CPED1: variants seen among roughly 807,000 people sequenced by gnomAD.
CPED1 encodes the protein cadherin like and PC-esterase domain containing 1, also known as cadherin-like and PC-esterase domain-containing protein 1.
A neutral mutation model predicts 128.2 loss-of-function variants in CPED1; 114 were observed. That is an observed-to-expected ratio of 0.89 (90% confidence interval 0.76 to 1.04). CPED1 has a LOEUF of 1.04. Among genes scored for constraint, CPED1 ranks in the 50% least tolerant of loss-of-function variants. The probability of loss-of-function intolerance (pLI) is 0.00; values close to 1 mark genes in which losing one functional copy is unlikely to be tolerated. For missense variants in CPED1, 1,211 were observed against 1,207.1 expected, an observed-to-expected ratio of 1.00 and a Z score of -0.05; for synonymous variants, 462 against 426.7, an observed-to-expected ratio of 1.08 and a Z score of -1.02.
At chr7:120,994,657 G>GTGTGTGTGTGTGT (rs148572524) in intron 2 of CPED1, among the ~76,000 whole-genome samples, 13 of 149,298 alleles carry the variant, frequency 8.7e-5, no homozygotes, top group East Asian at 3.9e-4. Flanking sequence ...GTGTGTGTGT[G>GTGTGTGTGTGTGT]TGTTGTTGTT....
chr7:121,165,784 C>T (rs928293188), intron 16 of CPED1, among the ~76,000 whole-genome samples: 1 of 152,064 alleles, frequency 6.6e-6, no homozygotes, highest in Non-Finnish European at 1.5e-5. Context: ...CAGAGAAAGA[C>T]AATATATTTT....
intron 16 of CPED1, among the ~76,000 whole-genome samples, chr7:121,210,108 G>T (rs1231341198): frequency 6.6e-6 from 1 of 151,962 alleles, no homozygotes; most frequent in African/African-American, 2.4e-5. Context: ...GCTACAATGA[G>T]CTATCATCTC....
At position 121,297,010 on chromosome 7, in the gene CPED1, A is replaced by G. The variant is rs1158978828; in HGVS notation, c.*1358A>G. 6.6e-6 allele frequency: 1 copy of G among 151,982 alleles called. No homozygotes were observed. Among genetic ancestry groups the G allele is most frequent in the African/African-American group, 2.4e-5 (1 of 41,426 alleles). The allele number at this position is 151,982 out of a possible 1,614,324, so 9.4% of individuals were successfully genotyped here. A position where few individuals can be genotyped will look rare whatever the true frequency, so the allele number is the denominator to read the frequency against. ...CTTTAAATACTCTATTTTTATATATATTTTTATATGAAGATAAACATGAAT... is the reference window on the plus strand; with the variant it reads ...CTTTAAATACTCTATTTTTATATATGTTTTTATATGAAGATAAACATGAAT... On this transcript the variant is annotated 3_prime_UTR_variant, in exon 23 of 23. Coordinates refer to ENST00000310396, the MANE Select transcript of CPED1 (RefSeq NM_024913.5).
At chr7:121,240,478 G>A (rs1798364443) in intron 17 of CPED1, among the ~76,000 whole-genome samples, 1 of 152,092 alleles carries the variant, frequency 6.6e-6, no homozygotes, top group African/African-American at 2.4e-5. Flanking sequence ...AACAATCTTT[G>A]CTTAAACATA....
chr7:121,032,116 C>T (rs1411437188), intron 3 of CPED1, among the ~76,000 whole-genome samples: 3 of 152,058 alleles, frequency 2.0e-5, no homozygotes, highest in Admixed American at 6.5e-5. Context: ...TACTTTTAAG[C>T]CAACAATCTT....
At chr7:121,289,524 G>T (rs1198188684) in intron 22 of CPED1, among the ~76,000 whole-genome samples, 1 of 152,048 alleles carries the variant, frequency 6.6e-6, no homozygotes, top group African/African-American at 2.4e-5. Context: ...CATTTGCAAT[G>T]TAACTAAAAC....
intron 18 of CPED1, among the ~76,000 whole-genome samples, chr7:121,255,196 A>G (rs1396729219): frequency 6.6e-6 from 1 of 152,122 alleles, no homozygotes; most frequent in Non-Finnish European, 1.5e-5. Context: ...CAACACATCA[A>G]AAGATTAATA....
Position 121,073,777 on chromosome 7 carries a change from T to G in CPED1, c.616+9464T>G, listed in dbSNP as rs73723411. On this transcript the variant is annotated intron_variant, in intron 5 of 22. Transcript: ENST00000310396. ...TATTTGCTCTTGAATTTCTCCAAGATCCATATCTTGAAACCCTTCACCTCT... is the reference window on the plus strand; with the variant it reads ...TATTTGCTCTTGAATTTCTCCAAGAGCCATATCTTGAAACCCTTCACCTCT... Among the ~76,000 whole-genome samples the G allele has an allele frequency of 3.5e-3, 526 of 151,074 alleles. 1 individual carries two copies. The highest frequency in any genetic ancestry group is 0.012 in the African/African-American group (495 of 41,246).
In CPED1 at chr7:121,177,370, C is replaced by T. The variant is rs117367040; in HGVS notation, c.2055+35229C>T. On this transcript the variant is annotated intron_variant, in intron 16 of 22. Transcript: ENST00000310396. ...GATATTAGTTCTGTCTCCTTGCCTA[C>T]TCACCATGTTTCTCTATCCGACTTT... 2.1e-4 allele frequency among the ~76,000 whole-genome samples: 32 copies of T among 152,086 alleles called. No individual in the cohort carries two copies. In the East Asian group the frequency reaches 6.2e-3, roughly 29 times the overall value.
chr7:121,269,182 C>T (rs1055940150), intron 21 of CPED1, among the ~76,000 whole-genome samples: 2 of 152,020 alleles, frequency 1.3e-5, no homozygotes, highest in Non-Finnish European at 2.9e-5. Context: ...TTCTTGTAGA[C>T]CCCAGTGTCC....
At chr7:121,108,202 T>C (rs750808358) in intron 7 of CPED1, among the ~76,000 whole-genome samples, 72 of 152,104 alleles carry the variant, frequency 4.7e-4, no homozygotes, top group Admixed American at 1.7e-3. Context: ...TGGAGCATTT[T>C]TCCCCCATTG....
chr7:121,287,631 A>G (rs966560964), intron 22 of CPED1, among the ~76,000 whole-genome samples: 1 of 152,090 alleles, frequency 6.6e-6, no homozygotes, highest in Non-Finnish European at 1.5e-5. Flanking sequence ...TTCCTTTCAA[A>G]TGGTCTTAAC....
At chr7:121,002,062 A>G (rs1233323225) in intron 2 of CPED1, among the ~76,000 whole-genome samples, 1 of 152,192 alleles carries the variant, frequency 6.6e-6, no homozygotes, top group Non-Finnish European at 1.5e-5. Flanking sequence ...AATTTATAGT[A>G]TAGTGTGCTA....
At chr7:121,289,848 G>A (rs751511259) in intron 22 of CPED1, among the ~76,000 whole-genome samples, 5 of 151,990 alleles carry the variant, frequency 3.3e-5, no homozygotes, top group African/African-American at 9.7e-5. Flanking sequence ...GGATACATAT[G>A]CAGAACATGC....
chr7:121,038,595 T>C (rs915879307), intron 3 of CPED1, among the ~76,000 whole-genome samples: 2 of 152,002 alleles, frequency 1.3e-5, no homozygotes, highest in Non-Finnish European at 1.5e-5. Context: ...TATTCAGACT[T>C]TTTAAAAACT....
intron 18 of CPED1, among the ~76,000 whole-genome samples, chr7:121,254,085 C>T (rs1798748882): frequency 6.6e-6 from 1 of 151,988 alleles, no homozygotes; most frequent in Non-Finnish European, 1.5e-5. Flanking sequence ...CAGAACGCTC[C>T]ACCCAACAAC....
At chr7:121,282,918 A>C (rs1455272347) in intron 22 of CPED1, among the ~76,000 whole-genome samples, 1 of 152,192 alleles carries the variant, frequency 6.6e-6, no homozygotes, top group Non-Finnish European at 1.5e-5. Context: ...GACAACTCTG[A>C]AGATTGAAAG....
At chr7:121,192,436 A>G (rs1055110571) in intron 16 of CPED1, among the ~76,000 whole-genome samples, 3 of 152,138 alleles carry the variant, frequency 2.0e-5, no homozygotes, top group African/African-American at 7.2e-5. Flanking sequence ...CTGGTTCCAA[A>G]TATTTTGGAA....
chr7:121,159,253 G>A (rs538545666), intron 16 of CPED1, among the ~76,000 whole-genome samples: 69 of 152,108 alleles, frequency 4.5e-4, no homozygotes, highest in African/African-American at 8.0e-4. Context: ...TAGATTTTAC[G>A]TTTCAGAAAG....
Sources: gnomAD v4.1 joint callset for allele counts (sites outside exome capture counted in the v4.1 genomes callset) on GRCh38, gnomAD v4.1.1 for gene constraint, MANE v1.5 for transcripts, NCBI Gene and HGNC (gene_info 2026-07-23, HGNC 2026-07-21) for gene names.